SLC36A1: variants seen among roughly 807,000 people sequenced by gnomAD.
SLC36A1 encodes solute carrier family 36 member 1, also known as proton-coupled amino acid transporter 1.
In SLC36A1, 30 loss-of-function variants were observed where a neutral mutation model predicts 47.5. That is an observed-to-expected ratio of 0.63 (90% confidence interval 0.47 to 0.86). The LOEUF (loss-of-function observed/expected upper bound fraction) is 0.86. Ranked by LOEUF, SLC36A1 falls within the 40% of genes least tolerant of loss-of-function variation. The pLI is 0.00. For missense variants in SLC36A1, 517 were observed against 606.0 expected, an observed-to-expected ratio of 0.85 and a Z score of 1.54; for synonymous variants, 255 against 249.7, an observed-to-expected ratio of 1.02 and a Z score of -0.20.
At chr5:151,512,675 A>C in the SLC36A1 span, 1 of 1,366,670 alleles carries the variant, frequency 7.3e-7, no homozygotes, top group Non-Finnish European at 9.9e-7. The surrounding 1 kb of genome is among the most constrained non-coding windows in gnomAD (Gnocchi z 4.1). Context: ...AGAGGCTGCC[A>C]GTTCAAAGAA....
At chr5:151,377,347 C>CT in the SLC36A1 span, among the ~76,000 whole-genome samples, 5,038 of 120,236 alleles carry the variant, frequency 0.042, 285 homozygotes, top group African/African-American at 0.1. Flanking sequence ...CTGTCTCTTT[C>CT]TTTTTTTTTT....
chr5:151,344,845 G>A, the SLC36A1 span, among the ~76,000 whole-genome samples: 3 of 152,172 alleles, frequency 2.0e-5, no homozygotes, highest in Non-Finnish European at 2.9e-5. Context: ...TGAACACAGA[G>A]AAAAGGGGAA....
chr5:151,390,851 G>A, the SLC36A1 span, among the ~76,000 whole-genome samples: 23 of 152,316 alleles, frequency 1.5e-4, no homozygotes, highest in African/African-American at 5.3e-4. Context: ...GATGCCTCCA[G>A]CTTTGTTCTT....
chr5:151,487,972 T>C lies in SLC36A1; in HGVS notation c.1160-11T>C. On this transcript the variant is annotated splice_polypyrimidine_tract_variant and intron_variant, in intron 10 of 10. Transcript: ENST00000243389. ...GGGCATCTTAAACAGGCATGTCCTC[T>C]CTCCCTGCAGGCATCTTGGCCATCC... 6.2e-7 allele frequency: 1 copy of C among 1,613,650 alleles called. No homozygotes were observed. Among genetic ancestry groups the C allele is most frequent in the Non-Finnish European group, 8.5e-7 (1 of 1,179,900 alleles).
At chr5:151,506,036 G>T in the SLC36A1 span, 1 of 1,567,446 alleles carries the variant, frequency 6.4e-7, no homozygotes, top group Non-Finnish European at 8.6e-7. Context: ...CGGAGTGGGG[G>T]TATTCCCAGC....
At chr5:151,542,812 A>C in the SLC36A1 span, 1 of 1,614,078 alleles carries the variant, frequency 6.2e-7, no homozygotes, top group East Asian at 2.2e-5. Context: ...AGTGTTCTGA[A>C]GGCAATGTGC....
At chr5:151,390,830 T>C in the SLC36A1 span, among the ~76,000 whole-genome samples, 1 of 152,220 alleles carries the variant, frequency 6.6e-6, no homozygotes, top group African/African-American at 2.4e-5. Context: ...TAGTTTGAAG[T>C]CAGGTAGCAT....
At chr5:151,453,776 C>T (rs1754022768) in intron 1 of SLC36A1, among the ~76,000 whole-genome samples, 1 of 150,720 alleles carries the variant, frequency 6.6e-6, no homozygotes, top group Non-Finnish European at 1.5e-5. Flanking sequence ...CTGGCCTTGC[C>T]TTAAAAAAAA....
chr5:151,513,741 A>G, the SLC36A1 span, among the ~76,000 whole-genome samples: 1 of 152,210 alleles, frequency 6.6e-6, no homozygotes. Context: ...CCCCGAAACT[A>G]AACTAAAAAT....
chr5:151,462,519 C>A (rs1755673778), intron 2 of SLC36A1, among the ~76,000 whole-genome samples: 1 of 151,862 alleles, frequency 6.6e-6, no homozygotes, highest in Non-Finnish European at 1.5e-5. Context: ...TGCCTGCCAC[C>A]ACGCCCAGCT....
chr5:151,400,406 A>G, the SLC36A1 span, among the ~76,000 whole-genome samples: 1 of 152,176 alleles, frequency 6.6e-6, no homozygotes, highest in African/African-American at 2.4e-5. Flanking sequence ...CCAATTCACA[A>G]CTGATGGACA....
chr5:151,531,664 CGAGT>C, the SLC36A1 span: 6 of 1,613,728 alleles, frequency 3.7e-6, no homozygotes, highest in Non-Finnish European at 5.1e-6. This position sits in a 1 kb window ranked among gnomAD's most constrained non-coding sequence, Gnocchi z 5.7. Context: ...TGCGCCCGGG[CGAGT>C]GAGGGTGGCC....
At chr5:151,401,597 C>T in the SLC36A1 span, among the ~76,000 whole-genome samples, 1 of 152,130 alleles carries the variant, frequency 6.6e-6, no homozygotes, top group Non-Finnish European at 1.5e-5. Flanking sequence ...AGCATTGAAT[C>T]TGTATATTGC....
the SLC36A1 span, among the ~76,000 whole-genome samples, chr5:151,355,923 G>A: frequency 4.6e-5 from 7 of 152,322 alleles, no homozygotes; most frequent in South Asian, 1.4e-3. Flanking sequence ...CTCCTGCAGT[G>A]TGAGAATATA....
chr5:151,543,236 T>TG, the SLC36A1 span: 1 of 1,614,186 alleles, frequency 6.2e-7, no homozygotes, highest in Non-Finnish European at 8.5e-7. Flanking sequence ...ATGACATCTT[T>TG]AACTAGGTCC....
At chr5:151,381,538 G>T in the SLC36A1 span, among the ~76,000 whole-genome samples, 1 of 152,178 alleles carries the variant, frequency 6.6e-6, no homozygotes, top group Non-Finnish European at 1.5e-5. Context: ...CTAGCCACAG[G>T]ATTAGAAATT....
chr5:151,434,701 A>G (rs1001966591), upstream of SLC36A1, among the ~76,000 whole-genome samples: 1 of 152,200 alleles, frequency 6.6e-6, no homozygotes, highest in African/African-American at 2.4e-5. Flanking sequence ...GTCATGAGGT[A>G]GAGCCCAGAA....
the SLC36A1 span, among the ~76,000 whole-genome samples, chr5:151,416,414 C>G: frequency 0.2 from 30,508 of 152,136 alleles, 3,306 homozygotes; most frequent in East Asian, 0.38. Context: ...TGTTCCAAGA[C>G]CACTCCGAAG....
At chr5:151,553,235 G>A in the SLC36A1 span, 7 of 1,614,274 alleles carry the variant, frequency 4.3e-6, no homozygotes, top group Non-Finnish European at 5.9e-6. Flanking sequence ...CCCCCACCAT[G>A]TGGTTCACAG....
Sources: gnomAD v4.1 joint callset for allele counts (sites outside exome capture counted in the v4.1 genomes callset) on GRCh38, gnomAD v4.1.1 for gene constraint, Gnocchi (gnomAD v3.1) non-coding constraint, MANE v1.5 for transcripts, NCBI Gene and HGNC (gene_info 2026-07-23, HGNC 2026-07-21) for gene names.